The following FOXN3 variants were observed in gnomAD, a reference collection of about 807,000 sequenced individuals.
FOXN3 encodes forkhead box protein N3.
FOXN3 carries 7 observed loss-of-function variants against 38.4 expected under a neutral mutation model. The observed-to-expected ratio is 0.18, with a 90% CI of 0.10 to 0.34. The LOEUF (loss-of-function observed/expected upper bound fraction) is 0.34. Ranked by LOEUF, FOXN3 falls within the 10% of genes least tolerant of loss-of-function variation. The probability of loss-of-function intolerance (pLI) is 1.00; values close to 1 mark genes in which losing one functional copy is unlikely to be tolerated. For missense variants in FOXN3, 456 were observed against 613.4 expected, an observed-to-expected ratio of 0.74 and a Z score of 2.71; for synonymous variants, 230 against 242.2, an observed-to-expected ratio of 0.95 and a Z score of 0.47.
chr14:89,576,998 G>A (rs376839718), intron 1 of FOXN3: 7 of 152,180 alleles, frequency 4.6e-5, no homozygotes, highest in East Asian at 1.9e-4. Flanking sequence ...ATTGAAAAGC[G>A]CCCTGTGCTG....
upstream of FOXN3, among the ~76,000 whole-genome samples, chr14:89,421,883 T>C (rs1891921039): frequency 1.3e-5 from 2 of 151,906 alleles, no homozygotes; most frequent in South Asian, 4.2e-4. Context: ...TACATACATA[T>C]ATACATTAAT....
chr14:89,290,647 CGG>C (rs1204058949), intron 3 of FOXN3: 5 of 466,448 alleles, frequency 1.1e-5, no homozygotes, highest in Non-Finnish European at 2.1e-5. Context: ...AACTTGAACA[CGG>C]GTGCATGTTG....
intron 1 of FOXN3, among the ~76,000 whole-genome samples, chr14:89,457,142 G>A (rs1052164824): frequency 1.3e-5 from 2 of 152,188 alleles, no homozygotes; most frequent in East Asian, 1.9e-4. Context: ...ACAACATGGC[G>A]ATAGCCTCTT....
intron 1 of FOXN3, among the ~76,000 whole-genome samples, chr14:89,440,091 A>T (rs4899996): frequency 0.37 from 56,526 of 151,892 alleles, 11,302 homozygotes; most frequent in East Asian, 0.57. Context: ...TTATCCCCAT[A>T]TTACCTAGGG....
chr14:89,394,052 G>A (rs985642101), intron 2 of FOXN3, among the ~76,000 whole-genome samples: 1 of 151,956 alleles, frequency 6.6e-6, no homozygotes, highest in Non-Finnish European at 1.5e-5. Context: ...GGCAAAGAGG[G>A]GAGTGGGAGA....
chr14:89,198,421 T>C (rs1210539502), intron 4 of FOXN3, among the ~76,000 whole-genome samples: 1 of 152,154 alleles, frequency 6.6e-6, no homozygotes, highest in Non-Finnish European at 1.5e-5. Flanking sequence ...TACCGAGGGA[T>C]GACTGTGCTT....
At chr14:89,491,775 A>T (rs914448322) in intron 1 of FOXN3, among the ~76,000 whole-genome samples, 14 of 152,182 alleles carry the variant, frequency 9.2e-5, no homozygotes, top group Non-Finnish European at 1.3e-4. Flanking sequence ...CCACCTTGCC[A>T]CTATTTGGGA....
At chr14:89,568,111 C>T (rs1895402880) in intron 1 of FOXN3, among the ~76,000 whole-genome samples, 1 of 152,072 alleles carries the variant, frequency 6.6e-6, no homozygotes, top group Admixed American at 6.6e-5. Context: ...CCCCAAATTT[C>T]TCCCATCTTA....
At chr14:89,325,311 CACG>C (rs1187100312) in intron 3 of FOXN3, among the ~76,000 whole-genome samples, 28 of 131,874 alleles carry the variant, frequency 2.1e-4, no homozygotes, top group East Asian at 4.5e-4. Flanking sequence ...ACACCACCAC[CACG>C]ACCACCACCA....
chr14:89,207,806 T>A (rs1397988627), intron 4 of FOXN3, among the ~76,000 whole-genome samples: 1 of 152,224 alleles, frequency 6.6e-6, no homozygotes, highest in Non-Finnish European at 1.5e-5. Context: ...GGTGACACTG[T>A]GCTCCAAGAA....
chr14:89,202,482 G>A (rs1435382456), intron 4 of FOXN3, among the ~76,000 whole-genome samples: 1 of 152,192 alleles, frequency 6.6e-6, no homozygotes, highest in Admixed American at 6.5e-5. Context: ...ACATCTGGAA[G>A]GGGATTTGTA....
intron 2 of FOXN3, among the ~76,000 whole-genome samples, chr14:89,371,731 G>A (rs774262406): frequency 6.6e-6 from 1 of 152,100 alleles, no homozygotes; most frequent in Non-Finnish European, 1.5e-5. Flanking sequence ...ACCAGAGCAA[G>A]CAGAGAGGGG....
intron 3 of FOXN3, among the ~76,000 whole-genome samples, chr14:89,323,584 T>C (rs1209880931): frequency 6.6e-6 from 1 of 151,734 alleles, no homozygotes; most frequent in Non-Finnish European, 1.5e-5. Context: ...CTGGGCGTGG[T>C]GGCACACGCC....
intron 1 of FOXN3, among the ~76,000 whole-genome samples, chr14:89,505,616 G>C (rs1011275861): frequency 5.3e-5 from 8 of 152,012 alleles, no homozygotes; most frequent in African/African-American, 1.9e-4. Flanking sequence ...GCGTGATCTC[G>C]GCTCGCTACA....
chr14:89,589,553 G>A (rs377014953), intron 1 of FOXN3, among the ~76,000 whole-genome samples: 2 of 152,226 alleles, frequency 1.3e-5, no homozygotes, highest in African/African-American at 2.4e-5. Flanking sequence ...GGAAGAAGAA[G>A]AAAAAGCACA....
intron 1 of FOXN3, among the ~76,000 whole-genome samples, chr14:89,468,842 C>T (rs1453673368): frequency 6.6e-6 from 1 of 152,112 alleles, no homozygotes; most frequent in Non-Finnish European, 1.5e-5. Flanking sequence ...GTTGTTAATA[C>T]TGTAGTGAGA....
At chr14:89,394,360 C>T (rs537240278) in intron 2 of FOXN3, among the ~76,000 whole-genome samples, 43 of 151,988 alleles carry the variant, frequency 2.8e-4, no homozygotes, top group African/African-American at 7.2e-4. Context: ...CCCACCACCA[C>T]GCCCAGCTAA....
intron 2 of FOXN3, chr14:89,356,718 G>A (rs982811452): frequency 6.6e-6 from 1 of 152,036 alleles, no homozygotes; most frequent in Non-Finnish European, 1.5e-5. Context: ...ATTCATTCCT[G>A]TGGTGCCTAC....
intron 1 of FOXN3, among the ~76,000 whole-genome samples, chr14:89,541,840 C>T (rs1426419740): frequency 6.6e-6 from 1 of 152,168 alleles, no homozygotes; most frequent in Non-Finnish European, 1.5e-5. Flanking sequence ...AACTTTTTCA[C>T]TTCTCTGGTT....
Sources: allele counts gnomAD v4.1 joint callset (sites outside exome capture counted in the v4.1 genomes callset), GRCh38; gene constraint gnomAD v4.1.1; transcripts MANE v1.5; gene names NCBI Gene and HGNC (gene_info 2026-07-23, HGNC 2026-07-21).